The following MTAP variants were observed in gnomAD, a reference collection of about 807,000 sequenced individuals.
MTAP encodes S-methyl-5'-thioadenosine phosphorylase.
In MTAP, 33 loss-of-function variants were observed where a neutral mutation model predicts 33.6. The ratio of observed to expected loss-of-function variants is 0.98; its 90% CI spans 0.74 to 1.31. The LOEUF (loss-of-function observed/expected upper bound fraction) is 1.31, where lower values mean the gene tolerates loss of function less well. Ranked by LOEUF, MTAP falls within the 40% of genes most tolerant of loss-of-function variation. MTAP has a pLI of 0.00. For synonymous variants in MTAP, 148 were observed against 125.7 expected (o/e 1.18, Z -1.19); for missense variants, 367 against 360.0 (o/e 1.02, Z -0.16).
At chr9:21,824,287 A>G (rs966403520) in intron 4 of MTAP, among the ~76,000 whole-genome samples, 1 of 152,102 alleles carries the variant, frequency 6.6e-6, no homozygotes, top group Non-Finnish European at 1.5e-5. Context: ...TTTGGTGTGG[A>G]TGTCCTTTCT....
At chr9:21,829,442 T>G (rs1464664966) in intron 4 of MTAP, among the ~76,000 whole-genome samples, 2 of 152,022 alleles carry the variant, frequency 1.3e-5, no homozygotes, top group Non-Finnish European at 2.9e-5. Flanking sequence ...TTGTTTGTTT[T>G]TTTGAGACAG....
chr9:21,829,629 G>GAA (rs112204383), intron 4 of MTAP, among the ~76,000 whole-genome samples: 28 of 142,330 alleles, frequency 2.0e-4, no homozygotes, highest in African/African-American at 6.4e-4. Context: ...CGTTGTCTCA[G>GAA]AAAAAAAAAA....
chr9:21,904,481 A>G (rs2099933934), intron 1 of MTAP, among the ~76,000 whole-genome samples: 1 of 152,062 alleles, frequency 6.6e-6, no homozygotes, highest in Non-Finnish European at 1.5e-5. Flanking sequence ...TCCCATATCA[A>G]TAGTATCATC....
chr9:21,905,488 A>G (rs1470495699), intron 1 of MTAP, among the ~76,000 whole-genome samples: 1 of 152,160 alleles, frequency 6.6e-6, no homozygotes, highest in Non-Finnish European at 1.5e-5. Flanking sequence ...CTGCAAACTT[A>G]AAAAACACAC....
At chr9:21,833,069 C>G (rs966224341) in intron 4 of MTAP, among the ~76,000 whole-genome samples, 1 of 152,172 alleles carries the variant, frequency 6.6e-6, no homozygotes, top group African/African-American at 2.4e-5. Flanking sequence ...CCTTCCTTGA[C>G]TGGGATATAA....
At chr9:21,889,427 A>G (rs1054524411) in intron 1 of MTAP, among the ~76,000 whole-genome samples, 5 of 151,720 alleles carry the variant, frequency 3.3e-5, no homozygotes, top group Non-Finnish European at 4.4e-5. Context: ...ATTGCTGGTG[A>G]TCTAGTGTGA....
intron 4 of MTAP, among the ~76,000 whole-genome samples, chr9:21,831,967 T>C (rs1824978442): frequency 6.6e-6 from 1 of 152,232 alleles, no homozygotes; most frequent in South Asian, 2.1e-4. Context: ...AATCTCAGCT[T>C]AGAAGTGAGG....
intron 1 of MTAP, among the ~76,000 whole-genome samples, chr9:21,897,053 C>T (rs1328105951): frequency 6.6e-6 from 1 of 152,184 alleles, no homozygotes; most frequent in Non-Finnish European, 1.5e-5. Flanking sequence ...GGCTTCATCC[C>T]TGGGATGCAA....
intron 5 of MTAP, among the ~76,000 whole-genome samples, chr9:21,849,008 TAGG>T (rs1165221347): frequency 6.6e-6 from 1 of 152,300 alleles, no homozygotes; most frequent in East Asian, 1.9e-4. Flanking sequence ...GTAAAATTCA[TAGG>T]AGGCCTACTG....
chr9:21,824,957 G>C (rs766638913), intron 4 of MTAP, among the ~76,000 whole-genome samples: 2 of 152,158 alleles, frequency 1.3e-5, no homozygotes, highest in Non-Finnish European at 2.9e-5. Context: ...GAAAAGCACA[G>C]TATTAGGGTG....
At chr9:21,890,005 C>A (rs1818173795) in intron 1 of MTAP, among the ~76,000 whole-genome samples, 1 of 152,112 alleles carries the variant, frequency 6.6e-6, no homozygotes, top group Non-Finnish European at 1.5e-5. Context: ...CATAGAGCTC[C>A]CAAGAGATTA....
At chr9:21,825,721 G>A (rs965643152) in intron 4 of MTAP, among the ~76,000 whole-genome samples, 9 of 152,196 alleles carry the variant, frequency 5.9e-5, no homozygotes, top group African/African-American at 2.2e-4. Context: ...TACAGCCATT[G>A]TCCCAGATAC....
intron 5 of MTAP, among the ~76,000 whole-genome samples, chr9:21,850,638 A>G (rs1168018402): frequency 6.6e-6 from 1 of 152,198 alleles, no homozygotes; most frequent in Non-Finnish European, 1.5e-5. Context: ...AGGTCCTGCC[A>G]TCTTCTGCAG....
At chr9:21,885,777 A>T (rs1391153553) in intron 1 of MTAP, among the ~76,000 whole-genome samples, 1 of 112,670 alleles carries the variant, frequency 8.9e-6, no homozygotes, top group African/African-American at 3.6e-5. Context: ...GTAGTATTAC[A>T]TGGTGTGTGT....
chr9:21,877,832 G>A (rs1464360159), intron 1 of MTAP, among the ~76,000 whole-genome samples: 1 of 152,028 alleles, frequency 6.6e-6, no homozygotes, highest in East Asian at 1.9e-4. Context: ...ATTTTGTTGT[G>A]TCTCTGCCAG....
rs1481450134 is a variant in MTAP at position 21,922,797 on chromosome 9, G to T, written c.148-8211G>T. On this transcript the variant is annotated intron_variant, in intron 1 of 1. Transcript: ENST00000577563. The surrounding 1 kb of genome is among the most constrained non-coding windows in gnomAD (Gnocchi z 4.8). ...CTGATCTCTCAGCTTACCCTGACCG[G>T]TGGCTTACAGGGGTAGGAAGGACCT... Among the ~76,000 whole-genome samples the T allele has an allele frequency of 6.6e-6, 1 of 152,152 alleles. No individual in the cohort carries two copies. The highest frequency in any genetic ancestry group is 1.5e-5 in the Non-Finnish European group (1 of 68,036).
At chr9:21,890,031 G>C (rs1334106352) in intron 1 of MTAP, among the ~76,000 whole-genome samples, 1 of 152,188 alleles carries the variant, frequency 6.6e-6, no homozygotes, top group East Asian at 1.9e-4. Context: ...TTTGTCTTCA[G>C]CTACCAGGGC....
chr9:21,933,037 T>C (rs1818988137), downstream of MTAP: 1 of 152,180 alleles, frequency 6.6e-6, no homozygotes, highest in African/African-American at 2.4e-5. Flanking sequence ...TATGCTTTAG[T>C]CAAAATCTAA....
chr9:21,904,900 T>A (rs1483108790), intron 1 of MTAP, among the ~76,000 whole-genome samples: 1 of 152,192 alleles, frequency 6.6e-6, no homozygotes, highest in Non-Finnish European at 1.5e-5. Flanking sequence ...ATGGGAGAAG[T>A]GTTCTCTTAT....
Sources: allele counts gnomAD v4.1 joint callset (sites outside exome capture counted in the v4.1 genomes callset), GRCh38; gene constraint gnomAD v4.1.1; non-coding constraint Gnocchi (gnomAD v3.1); transcripts MANE v1.5; gene names NCBI Gene and HGNC (gene_info 2026-07-23, HGNC 2026-07-21).